BPTF: variants seen among roughly 807,000 people sequenced by gnomAD.
BPTF encodes bromodomain PHD finger transcription factor.
A neutral mutation model predicts 292.5 loss-of-function variants in BPTF; 18 were observed. The ratio of observed to expected loss-of-function variants is 0.06; its 90% CI spans 0.04 to 0.09. BPTF has a LOEUF of 0.09. BPTF is among the 10% of genes least tolerant of loss of function. The pLI, the probability that BPTF is intolerant of heterozygous loss-of-function variation, is 1.00. For synonymous variants in BPTF, 1,225 were observed against 1,251.9 expected, an observed-to-expected ratio of 0.98 and a Z score of 0.45; for missense variants, 2,726 against 3,498.7, an observed-to-expected ratio of 0.78 and a Z score of 5.57.
chr17:67,904,026 A>G, intron 8 of BPTF, 108 bp downstream of exon 8: 1 of 841,078 alleles, frequency 1.2e-6, no homozygotes, highest in Non-Finnish European at 1.7e-6. Flanking sequence ...TTTGTATTTT[A>G]TTTATTTATT....
At chr17:67,841,051 A>G (rs763873118) in intron 1 of BPTF, among the ~76,000 whole-genome samples, 4 of 151,932 alleles carry the variant, frequency 2.6e-5, no homozygotes, top group Non-Finnish European at 4.4e-5. Flanking sequence ...TTTCTTTTAC[A>G]CATCTGGGGT....
In BPTF at chr17:67,906,377, C is replaced by T. The variant is rs143640536; in HGVS notation, c.2812+1537C>T. Among the ~76,000 whole-genome samples, 222 of 152,206 alleles carry T rather than the reference C, an allele frequency of 1.5e-3. 2 individuals carry two copies. The highest frequency in any genetic ancestry group is 4.8e-3 in the African/African-American group (200 of 41,550). ...TACAGGTGTGACCACTGCGCCTGGC[C>T]TATAAATAAGCTATTAATTGAGTTT... On this transcript the variant is annotated intron_variant, in intron 9 of 27. Transcript: ENST00000306378.
intron 4 of BPTF, 123 bp downstream of exon 4, chr17:67,875,143 G>A (rs1420439830): frequency 3.7e-6 from 3 of 808,068 alleles, no homozygotes; most frequent in Non-Finnish European, 5.9e-6. Context: ...TTTCTAAAGA[G>A]ATCAGGATAC....
chr17:67,876,307 G>A (rs2060045225), intron 4 of BPTF, among the ~76,000 whole-genome samples: 1 of 152,198 alleles, frequency 6.6e-6, no homozygotes, highest in East Asian at 1.9e-4. Flanking sequence ...AGAGTGTCCT[G>A]TTGCATAACA....
At chr17:67,928,669 C>A in intron 16 of BPTF, 68 bp downstream of exon 16, 2 of 1,480,074 alleles carry the variant, frequency 1.4e-6, no homozygotes, top group Non-Finnish European at 1.8e-6. Flanking sequence ...CCTTTAGCTA[C>A]TGAAATGAAA....
Position 67,944,273 on chromosome 17 carries a change from A to G in BPTF, c.6601A>G (p.Met2201Val). 6.2e-7 allele frequency: 1 copy of G among 1,614,154 alleles called. No individual in the cohort carries two copies. Among genetic ancestry groups the G allele is most frequent in the Non-Finnish European group, 8.5e-7 (1 of 1,180,022 alleles). The change falls in exon 20 of 28, where the codon ATG becomes GTG. Residue 2201 changes from methionine (M) to valine (V), a missense_variant. Coordinates refer to ENST00000306378, the MANE Select transcript of BPTF (RefSeq NM_182641.4). ...GPGQQLMQAAMPNGTVQRFLF... is the reference protein window; with the variant it reads ...GPGQQLMQAAVPNGTVQRFLF... ...AGGCCAGCAGCTAATGCAAGCTGCA[A>G]TGCCAAATGGTACTGTTCAGCGATT... is the stretch of plus-strand genomic sequence containing the variant.
At chr17:67,856,260 T>C (rs527716073) in intron 2 of BPTF, among the ~76,000 whole-genome samples, 10 of 152,270 alleles carry the variant, frequency 6.6e-5, no homozygotes, top group African/African-American at 2.4e-4. Context: ...TTTTCCTTTC[T>C]GCTACCATAT....
chr17:67,914,535 G>A (rs2062853596), intron 11 of BPTF, among the ~76,000 whole-genome samples: 2 of 152,296 alleles, frequency 1.3e-5, no homozygotes, highest in South Asian at 2.1e-4. Context: ...ATTGAGAGCG[G>A]TCCCAAAATG....
chr17:67,981,509 A>G (rs1193987616), intron 27 of BPTF: 3 of 1,162,652 alleles, frequency 2.6e-6, no homozygotes, highest in Middle Eastern at 2.3e-4. Flanking sequence ...GTTTTATTGT[A>G]CCTCGTGATT....
intron 4 of BPTF, chr17:67,886,121 T>C: frequency 6.5e-7 from 1 of 1,528,514 alleles, no homozygotes. Context: ...ATATTCTATT[T>C]TTCTAGAAGA....
intron 4 of BPTF, among the ~76,000 whole-genome samples, chr17:67,876,421 C>T (rs2060053821): frequency 6.6e-6 from 1 of 152,148 alleles, no homozygotes; most frequent in Non-Finnish European, 1.5e-5. Context: ...CAGGGCGCTA[C>T]AGATAGGGAT....
rs553287457 is a variant in BPTF, at chr17:67,869,049, G to A, written c.1660+2362G>A. Reference sequence around the variant, plus strand: ...AAGTAATTGCAGTAACACAATCTCCGTCTTACTCTCCCCCCATATAGATCA... The same window carrying A: ...AAGTAATTGCAGTAACACAATCTCCATCTTACTCTCCCCCCATATAGATCA... On this transcript the variant is annotated intron_variant, in intron 3 of 27. Coordinates refer to ENST00000306378, the MANE Select transcript of BPTF (RefSeq NM_182641.4). Among the ~76,000 whole-genome samples, 28 of 152,120 alleles carry A rather than the reference G, an allele frequency of 1.8e-4. 1 individual carries two copies. The highest frequency in any genetic ancestry group is 5.8e-4 in the African/African-American group (24 of 41,486).
Position 67,912,353 on chromosome 17 carries a change from C to T in BPTF, c.4469C>T (p.Ser1490Phe). The T allele has an allele frequency of 6.2e-7, 1 of 1,614,012 alleles. No homozygotes were observed. Among genetic ancestry groups the T allele is most frequent in the Non-Finnish European group, 8.5e-7 (1 of 1,179,990 alleles). Reference protein sequence around the residue: ...SSETKSHLLSSSDAEGNYRDS... With the variant: ...SSETKSHLLSFSDAEGNYRDS... ...GAAACAAAATCGCATTTGCTGAGTT[C>T]TTCAGATGCTGAAGGTAACTACCGA... is the stretch of plus-strand genomic sequence containing the variant. The change falls in exon 11 of 28, where the codon TCT (serine) becomes TTT (phenylalanine). Residue 1490 changes from serine to phenylalanine, a missense_variant. Physicochemically the swap from Ser to Phe is radical, Grantham distance 155. Transcript: ENST00000306378.
chr17:67,899,857 T>C (rs553489999), intron 7 of BPTF, among the ~76,000 whole-genome samples: 24 of 152,156 alleles, frequency 1.6e-4, no homozygotes, highest in South Asian at 1.0e-3. Flanking sequence ...GGCAAACTTA[T>C]ACAGTTTGGG....
intron 3 of BPTF, among the ~76,000 whole-genome samples, chr17:67,866,994 G>T (rs528532716): frequency 9.8e-5 from 15 of 152,304 alleles, no homozygotes; most frequent in Admixed American, 7.2e-4. Context: ...GCAGGTATTT[G>T]TGTATCTAAC....
intron 4 of BPTF, among the ~76,000 whole-genome samples, chr17:67,879,123 T>G (rs955493219): frequency 2.0e-5 from 3 of 149,420 alleles, no homozygotes; most frequent in Non-Finnish European, 4.4e-5. Flanking sequence ...TGTGGGGCTG[T>G]TGTTAATTAT....
intron 18 of BPTF, among the ~76,000 whole-genome samples, chr17:67,933,816 C>T (rs1214031893): frequency 3.3e-5 from 5 of 151,828 alleles, no homozygotes; most frequent in African/African-American, 1.2e-4. Flanking sequence ...CCCAGCACTC[C>T]AGGAGGCCGA....
chr17:67,958,242 G>T (rs781914191), intron 23 of BPTF, among the ~76,000 whole-genome samples: 6 of 152,130 alleles, frequency 3.9e-5, no homozygotes, highest in Non-Finnish European at 5.9e-5. Flanking sequence ...TGAGGTGGGA[G>T]GATCACTTGA....
At chr17:67,875,939 A>G (rs923534206) in intron 4 of BPTF, among the ~76,000 whole-genome samples, 5 of 152,204 alleles carry the variant, frequency 3.3e-5, no homozygotes, top group African/African-American at 1.2e-4. Context: ...CTTGAAACTC[A>G]TCATAATTTT....
Sources: gnomAD v4.1 joint callset for allele counts (sites outside exome capture counted in the v4.1 genomes callset) on GRCh38, gnomAD v4.1.1 for gene constraint, MANE v1.5 for transcripts, NCBI Gene and HGNC (gene_info 2026-07-23, HGNC 2026-07-21) for gene names.